Variants in CMSS1 observed in about 807,000 individuals in gnomAD.
CMSS1 encodes cms1 ribosomal small subunit homolog.
Under a neutral mutation model 43.5 loss-of-function variants are expected in CMSS1, and 33 were observed. The observed-to-expected ratio is 0.76, with a 90% CI of 0.57 to 1.01. The LOEUF (loss-of-function observed/expected upper bound fraction) is 1.01. Ranked by LOEUF, CMSS1 falls within the 50% of genes least tolerant of loss-of-function variation. The pLI, the probability that CMSS1 is intolerant of heterozygous loss-of-function variation, is 0.00. For synonymous variants in CMSS1, 115 were observed against 117.2 expected, an observed-to-expected ratio of 0.98 and a Z score of 0.12; for missense variants, 313 against 326.4, an observed-to-expected ratio of 0.96 and a Z score of 0.32.
At chr3:99,877,128 A>G (rs757455287) in intron 1 of CMSS1, among the ~76,000 whole-genome samples, 8 of 152,226 alleles carry the variant, frequency 5.3e-5, no homozygotes, top group Non-Finnish European at 1.2e-4. Flanking sequence ...GAGAAGTCAT[A>G]CCTAAAGTTC....
rs571988691 is a variant in CMSS1 at position 100,121,156 on chromosome 3, A to G, written c.65-25817A>G. On this transcript the variant is annotated intron_variant, in intron 1 of 9. Transcript: ENST00000421999. ...TGTGCAGAACGTTCTGTTTTGTTAC[A>G]TAGGTATACACGTGTCATGGTGGTT... 1.1e-4 allele frequency among the ~76,000 whole-genome samples: 16 copies of G among 152,130 alleles called. No homozygotes were observed. In the South Asian group the frequency reaches 3.3e-3, roughly 32 times the overall value.
chr3:100,073,413 A>AT (rs2065794362), intron 1 of CMSS1, among the ~76,000 whole-genome samples: 1 of 152,220 alleles, frequency 6.6e-6, no homozygotes, highest in Admixed American at 6.5e-5. Flanking sequence ...TCATGAAAGT[A>AT]TACATTTAAA....
At chr3:99,835,917 C>A (rs886529098) in intron 1 of CMSS1, among the ~76,000 whole-genome samples, 1 of 152,100 alleles carries the variant, frequency 6.6e-6, no homozygotes. Flanking sequence ...TTCAGCCCTA[C>A]AAACAGCATG....
intron 1 of CMSS1, among the ~76,000 whole-genome samples, chr3:99,831,128 A>G (rs1393112884): frequency 6.6e-6 from 1 of 152,206 alleles, no homozygotes; most frequent in African/African-American, 2.4e-5. Flanking sequence ...AGTCAAGGAT[A>G]TTTGATTTTA....
At chr3:100,084,339 T>G (rs1009457168) in intron 1 of CMSS1, among the ~76,000 whole-genome samples, 1 of 152,194 alleles carries the variant, frequency 6.6e-6, no homozygotes, top group Admixed American at 6.5e-5. Context: ...CATAAAAATA[T>G]GCAAATATTT....
intron 1 of CMSS1, among the ~76,000 whole-genome samples, chr3:100,121,951 G>A (rs952564303): frequency 6.6e-6 from 1 of 152,150 alleles, no homozygotes; most frequent in Non-Finnish European, 1.5e-5. Flanking sequence ...GCAGAAGGCT[G>A]CGGCACAATT....
chr3:99,955,620 A>T (rs527754317), intron 1 of CMSS1, among the ~76,000 whole-genome samples: 8 of 152,252 alleles, frequency 5.3e-5, no homozygotes, highest in African/African-American at 1.9e-4. Flanking sequence ...AATTAATCAT[A>T]TTTTCCTGGA....
chr3:100,119,685 T>G (rs890128122), intron 1 of CMSS1, among the ~76,000 whole-genome samples: 10 of 152,182 alleles, frequency 6.6e-5, no homozygotes, highest in African/African-American at 2.4e-4. Context: ...GAACAGCATC[T>G]CACTGAGCTA....
chr3:100,117,960 A>T (rs979524668), intron 1 of CMSS1, among the ~76,000 whole-genome samples: 1 of 149,780 alleles, frequency 6.7e-6, no homozygotes, highest in African/African-American at 2.5e-5. Context: ...CCATGAAGGC[A>T]TGCTAAGTGA....
chr3:100,102,753 GAAAGACAATA>G (rs1275181700), intron 1 of CMSS1, among the ~76,000 whole-genome samples: 1 of 152,174 alleles, frequency 6.6e-6, no homozygotes, highest in African/African-American at 2.4e-5. Context: ...ACTTGGCTAT[GAAAGACAATA>G]ATTTGCAAAG....
chr3:99,879,169 CTG>C lies in CMSS1; in HGVS notation c.64+61128_64+61129del, dbSNP rs141550519. On this transcript the variant is annotated intron_variant, in intron 1 of 9. Transcript: ENST00000421999. ...GATCTAAATCAGCACTAGCTTTAAA[CTG>C]TTATTTAGAAATGATACAAAGAAAT... 1.2e-3 allele frequency among the ~76,000 whole-genome samples: 178 copies of C among 152,308 alleles called. 7 individuals are homozygous for C. The East Asian group carries it at 0.032, about 27-fold the overall frequency.
chr3:100,029,001 TA>T (rs1197034542), intron 1 of CMSS1, among the ~76,000 whole-genome samples: 1 of 152,140 alleles, frequency 6.6e-6, no homozygotes, highest in East Asian at 1.9e-4. Context: ...CTTGAGCACC[TA>T]AACTCAATTC....
At chr3:100,086,240 T>C (rs907783801) in intron 1 of CMSS1, among the ~76,000 whole-genome samples, 1 of 152,212 alleles carries the variant, frequency 6.6e-6, no homozygotes, top group Non-Finnish European at 1.5e-5. Flanking sequence ...AGTTAACCTA[T>C]TGAGCTGATT....
chr3:99,896,045 A>G (rs1183510259), intron 1 of CMSS1, among the ~76,000 whole-genome samples: 1 of 152,160 alleles, frequency 6.6e-6, no homozygotes, highest in Non-Finnish European at 1.5e-5. Flanking sequence ...ATAAAGCATG[A>G]GTCATGGATG....
chr3:99,890,024 CT>C (rs1229489262), intron 1 of CMSS1, among the ~76,000 whole-genome samples: 1 of 152,118 alleles, frequency 6.6e-6, no homozygotes, highest in Non-Finnish European at 1.5e-5. Context: ...TCTGGGACCA[CT>C]TTCCTTCAAT....
intron 1 of CMSS1, among the ~76,000 whole-genome samples, chr3:99,945,013 G>A (rs1479870877): frequency 6.6e-6 from 1 of 152,106 alleles, no homozygotes; most frequent in Non-Finnish European, 1.5e-5. Context: ...TATAAAGCAG[G>A]AGCTTATAAC....
chr3:99,852,781 G>A (rs937609936), intron 1 of CMSS1, among the ~76,000 whole-genome samples: 3 of 152,132 alleles, frequency 2.0e-5, no homozygotes, highest in East Asian at 1.9e-4. Flanking sequence ...TAGGGTCATC[G>A]TCTTGGAAAT....
intron 1 of CMSS1, among the ~76,000 whole-genome samples, chr3:100,013,888 G>A (rs1710238936): frequency 6.6e-6 from 1 of 152,048 alleles, no homozygotes; most frequent in Non-Finnish European, 1.5e-5. Context: ...TAGTCACCGT[G>A]CTTCACAATA....
intron 1 of CMSS1, among the ~76,000 whole-genome samples, chr3:99,892,491 C>A (rs1163351783): frequency 6.6e-6 from 1 of 152,196 alleles, no homozygotes; most frequent in Non-Finnish European, 1.5e-5. Flanking sequence ...AAAAATCCAG[C>A]CTTGTGGCAG....
Sources: allele counts gnomAD v4.1 joint callset (sites outside exome capture counted in the v4.1 genomes callset), GRCh38; gene constraint gnomAD v4.1.1; transcripts MANE v1.5; gene names NCBI Gene and HGNC (gene_info 2026-07-23, HGNC 2026-07-21).